The following MTMR11 variants were observed in gnomAD, a reference collection of about 807,000 sequenced individuals.
MTMR11 encodes the protein myotubularin related protein 11, also known as myotubularin-related protein 11.
In MTMR11, 89 loss-of-function variants were observed where a neutral mutation model predicts 100.0. That is an observed-to-expected ratio of 0.89 (90% CI 0.75 to 1.06). The LOEUF (loss-of-function observed/expected upper bound fraction) is 1.06. MTMR11 is among the 50% of genes least tolerant of loss of function. MTMR11 has a pLI of 0.00. For synonymous variants in MTMR11, 336 were observed against 326.3 expected (o/e 1.03, Z -0.32); for missense variants, 809 against 873.7 (o/e 0.93, Z 0.93).
At chr1:149,933,226 G>A (rs910998327) in intron 10 of MTMR11, among the ~76,000 whole-genome samples, 180 bp downstream of exon 10, 2 of 151,938 alleles carry the variant, frequency 1.3e-5, no homozygotes, top group Non-Finnish European at 2.9e-5. Context: ...ATAGTGGTGG[G>A]ATTACAAGCG....
Position 149,930,501 on chromosome 1 carries a change from G to A in MTMR11, c.1511C>T (p.Pro504Leu). The change falls in exon 15 of 17, where the codon CCA (proline) becomes CTA (leucine). Residue 504 changes from proline to leucine, a missense_variant. Pro to Leu is a moderately conservative substitution (Grantham distance 98). Coordinates refer to ENST00000439741, the MANE Select transcript of MTMR11 (RefSeq NM_001145862.2). ...QVYTPGYSQP[P>L]AGNSFNLQLS... Reference sequence around the variant, plus strand: ...CTGCAGGTTAAAAGAGTTCCCAGCTGGAGGCTGGGAGTATCCTGGGGTGTA... The same window carrying A: ...CTGCAGGTTAAAAGAGTTCCCAGCTAGAGGCTGGGAGTATCCTGGGGTGTA... The A allele has an allele frequency of 6.2e-7, 1 of 1,613,928 alleles. No individual in the cohort carries two copies. The highest frequency in any genetic ancestry group is 8.5e-7 in the Non-Finnish European group (1 of 1,179,852).
intron 16 of MTMR11, 74 bp downstream of exon 16, chr1:149,929,549 T>C (rs1559802062): frequency 6.6e-7 from 1 of 1,511,432 alleles, no homozygotes; most frequent in Non-Finnish European, 8.9e-7. Context: ...GCTCCTTGCC[T>C]TTCCAGCTCC....
At position 149,933,867 on chromosome 1, in the gene MTMR11, C is replaced by A; in HGVS notation, c.759G>T (p.Gln253His). The A allele has an allele frequency of 6.2e-7, 1 of 1,614,126 alleles. No homozygotes were observed. Among genetic ancestry groups the A allele is most frequent in the Non-Finnish European group, 8.5e-7 (1 of 1,179,958 alleles). The change falls in exon 8 of 17, where the codon CAG becomes CAT. Residue 253 changes from glutamine to histidine, a missense_variant. Physicochemically the swap from Gln to His is conservative, Grantham distance 24. Coordinates refer to ENST00000439741, the MANE Select transcript of MTMR11 (RefSeq NM_001145862.2). ...CCATCACACTGACCGGTCCACGGCC[C>A]TGATGAAAGTGGCCAAATGCTCTCC... ...EVRRAFGHFH[Q>H]GRGPRLSWHH...
intron 10 of MTMR11, 125 bp from the exon 11 acceptor site, chr1:149,932,455 A>G (rs1404313401): frequency 9.4e-6 from 7 of 743,374 alleles, no homozygotes; most frequent in African/African-American, 1.7e-5. Flanking sequence ...GATGGTTTCT[A>G]AAATTAAACT....
In MTMR11 at chr1:149,932,009, C is replaced by T; in HGVS notation, c.1058G>A (p.Cys353Tyr). The T allele has an allele frequency of 6.2e-7, 1 of 1,613,504 alleles. No individual in the cohort carries two copies. The highest frequency in any genetic ancestry group is 8.5e-7 in the Non-Finnish European group (1 of 1,179,442). The part of the protein sequence containing the change: ...GTRWLDYVRA[C>Y]LRKASDISVL... ...TGAAATGTCACTGGCCTTTCGAAGA[C>T]AAGCCCTGGAGGAGCAGGTGAGGAA... Residue 353 changes from cysteine to tyrosine, a missense_variant, in exon 12 of 17, where the codon TGT becomes TAT. By Grantham distance (194) the Cys-to-Tyr change is radical (BLOSUM62 -2). Coordinates refer to ENST00000439741, the MANE Select transcript of MTMR11 (RefSeq NM_001145862.2).
chr1:149,931,331 C>G lies in MTMR11; in HGVS notation c.1219G>C (p.Val407Leu). The change falls in exon 13 of 17, where the codon GTA (valine) becomes CTA (leucine). Residue 407 changes from valine (V) to leucine (L), a missense_variant. Val to Leu is a conservative substitution (Grantham distance 32). Coordinates refer to ENST00000439741, the MANE Select transcript of MTMR11 (RefSeq NM_001145862.2). The part of the protein sequence containing the change: ...ARTLFGFQSL[V>L]QREWVAAGHP... ...CCAGCTGCCACCCACTCTCGCTGTA[C>G]TAGTGATTGGAAGCCAAACAGTGTT... The G allele has an allele frequency of 6.2e-7, 1 of 1,614,064 alleles. No individual in the cohort carries two copies. Among genetic ancestry groups the G allele is most frequent in the South Asian group, 1.1e-5 (1 of 91,072 alleles).
In MTMR11 at chr1:149,935,346, T is replaced by A; in HGVS notation, c.278A>T (p.Asn93Ile). Residue 93 changes from asparagine to isoleucine, a missense_variant, in exon 4 of 17, where the codon AAC becomes ATC. Asn to Ile is a moderately radical substitution (Grantham distance 149). Coordinates refer to ENST00000439741, the MANE Select transcript of MTMR11 (RefSeq NM_001145862.2). ...GWQWNQDTPL[N>I]SEYDFALVNI... Reference sequence around the variant, plus strand: ...GACCAGGGCAAAATCGTATTCACTGTTCAAGGGAGTGTCCTAGACGAAACA... The same window carrying A: ...GACCAGGGCAAAATCGTATTCACTGATCAAGGGAGTGTCCTAGACGAAACA... 2 of 1,612,980 alleles carry A rather than the reference T, an allele frequency of 1.2e-6. No individual in the cohort carries two copies. The highest frequency in any genetic ancestry group is 1.7e-5 in the Admixed American group (1 of 59,998).
chr1:149,934,753 A>G (rs1157928858), intron 5 of MTMR11, among the ~76,000 whole-genome samples: 3 of 152,248 alleles, frequency 2.0e-5, no homozygotes, highest in South Asian at 2.1e-4. Context: ...CTGGTTTTTC[A>G]GAGGAGGAAA....
chr1:149,930,103 G>GA, intron 15 of MTMR11, 187 bp from the exon 16 acceptor site: 2 of 735,208 alleles, frequency 2.7e-6, no homozygotes, highest in Non-Finnish European at 4.4e-6. Context: ...ACTGATTAAG[G>GA]TTGATTTTAG....
chr1:149,935,642 G>C lies in MTMR11; in HGVS notation c.206C>G (p.Thr69Ser), dbSNP rs1377940655. Residue 69 changes from threonine (T) to serine (S), a missense_variant, in exon 3 of 17, where the codon ACC becomes AGC. Coordinates refer to ENST00000439741, the MANE Select transcript of MTMR11 (RefSeq NM_001145862.2). ...GACCCTAAAGTTGGTACAGATCAGG[G>C]TTCCAGACAATTCTGGTTCCAGGCC... ...RKGLEPELSG[T>S]LICTNFRVTF... The C allele has an allele frequency of 1.2e-6, 2 of 1,613,972 alleles. No homozygotes were observed. The highest frequency in any genetic ancestry group is 1.7e-6 in the Non-Finnish European group (2 of 1,180,008).
chr1:149,930,905 C>T lies in MTMR11; in HGVS notation c.1351G>A (p.Asp451Asn), dbSNP rs2092650215. 3 of 1,613,036 alleles carry T rather than the reference C, an allele frequency of 1.9e-6. No individual in the cohort carries two copies. The highest frequency in any genetic ancestry group is 1.7e-5 in the Admixed American group (1 of 59,826). Residue 451 changes from aspartate (D) to asparagine (N), a missense_variant, in exon 14 of 17, where the codon GAT (aspartate) becomes AAT (asparagine). Physicochemically the swap from Asp to Asn is conservative, Grantham distance 23 (BLOSUM62 1). Coordinates refer to ENST00000439741, the MANE Select transcript of MTMR11 (RefSeq NM_001145862.2). ...AGGAAAAACTCAGAGAATTCAAAAT[C>T]AGCTGGAAACTGCTGGAGGAGCTGC... The part of the protein sequence containing the change: ...VWQLLQQFPA[D>N]FEFSEFFLLA...
In MTMR11 at chr1:149,936,181, T is replaced by G. The variant is rs2092720117; in HGVS notation, c.115A>C (p.Ser39Arg). 2 of 1,614,142 alleles carry G rather than the reference T, an allele frequency of 1.2e-6. No homozygotes were observed. The highest frequency in any genetic ancestry group is 1.7e-6 in the Non-Finnish European group (2 of 1,180,020). Residue 39 changes from serine to arginine, a missense_variant, in exon 2 of 17, where the codon AGT (serine) becomes CGT (arginine). Coordinates refer to ENST00000439741, the MANE Select transcript of MTMR11 (RefSeq NM_001145862.2). ...MPEPRSRQPS[S>R]CLASRCLPGE... ...GGGAGGCATCTGGAGGCCAGGCAACTGCTAGGCTGACGACTCCTGGGCTCC... is the reference window on the plus strand; with the variant it reads ...GGGAGGCATCTGGAGGCCAGGCAACGGCTAGGCTGACGACTCCTGGGCTCC...
chr1:149,935,687 C>T lies in MTMR11; in HGVS notation c.161G>A (p.Trp54Ter), dbSNP rs2092712614. Residue 54 changes from tryptophan to a stop codon, truncating the protein, a stop_gained, in exon 3 of 17, where the codon TGG becomes TAG. Transcript: ENST00000439741. LOFTEE classifies it high-confidence loss of function. Reference sequence around the variant, plus strand: ...CAGGCCCTTCCTCACCCCTGGGGCCCATGCTAGGATCTGCTCCCCTAAAGG... The same window carrying T: ...CAGGCCCTTCCTCACCCCTGGGGCCTATGCTAGGATCTGCTCCCCTAAAGG... ...RCLPGEQILA[W>*]APGVRKGLEP... 1.2e-6 allele frequency: 2 copies of T among 1,609,902 alleles called. No homozygotes were observed. The highest frequency in any genetic ancestry group is 1.7e-6 in the Non-Finnish European group (2 of 1,178,088).
Position 149,935,231 on chromosome 1 carries a change from GAGGA to G in MTMR11, c.325+64_325+67del, listed in dbSNP as rs373169633. On this transcript the variant is annotated intron_variant, in intron 4 of 16. Coordinates refer to ENST00000439741, the MANE Select transcript of MTMR11 (RefSeq NM_001145862.2). The stretch of plus-strand genomic sequence containing the variant: ...CCATCCCTGCTGTTTTCTGAGAACA[GAGGA>G]AGGATGAGGAGGGAGTTCCAACAAC... The G allele has an allele frequency of 1.7e-3, 2,786 of 1,606,338 alleles. 46 individuals carry two copies. In the African/African-American group the frequency reaches 0.032, roughly 19 times the overall value.
At chr1:149,936,355 A>C in intron 1 of MTMR11, 126 bp from the exon 2 acceptor site, 1 of 1,500,350 alleles carries the variant, frequency 6.7e-7, no homozygotes. Flanking sequence ...GTCTGTGGGG[A>C]GCTCCAGACC....
chr1:149,929,360 G>T, intron 16 of MTMR11, 43 bp from the exon 17 acceptor site: 1 of 1,532,074 alleles, frequency 6.5e-7, no homozygotes, highest in Non-Finnish European at 9.0e-7. Flanking sequence ...TACTGTTGTA[G>T]CTCTGGCCCC....
At chr1:149,929,390 G>C in intron 16 of MTMR11, 73 bp from the exon 17 acceptor site, 1 of 1,397,266 alleles carries the variant, frequency 7.2e-7, no homozygotes, top group East Asian at 2.3e-5. Flanking sequence ...TGCTACTTCT[G>C]GTGTCTTTAA....
At position 149,934,981 on chromosome 1, in the gene MTMR11, C is replaced by T; in HGVS notation, c.468+5G>A. On this transcript the variant is annotated splice_donor_5th_base_variant and intron_variant, in intron 5 of 16. Transcript: ENST00000439741. Reference sequence around the variant, plus strand: ...GGAGAAAGCCTCAGGTTAGGGGCCTCTTACCTGAAAAGCCTGAGGCTCTAG... The same window carrying T: ...GGAGAAAGCCTCAGGTTAGGGGCCTTTTACCTGAAAAGCCTGAGGCTCTAG... 6.2e-7 allele frequency: 1 copy of T among 1,613,356 alleles called. No individual in the cohort carries two copies. Among genetic ancestry groups the T allele is most frequent in the Non-Finnish European group, 8.5e-7 (1 of 1,179,952 alleles).
chr1:149,932,796 C>G (rs1478795256), intron 10 of MTMR11, among the ~76,000 whole-genome samples: 2 of 151,758 alleles, frequency 1.3e-5, no homozygotes, highest in South Asian at 4.2e-4. Context: ...ACTAAAAATA[C>G]AAAAATTAGC....
Sources: gnomAD v4.1 joint callset for allele counts (sites outside exome capture counted in the v4.1 genomes callset) on GRCh38, gnomAD v4.1.1 for gene constraint, MANE v1.5 for transcripts, NCBI Gene and HGNC (gene_info 2026-07-23, HGNC 2026-07-21) for gene names.